Variants in GABPB2 observed in about 807,000 individuals in gnomAD.
GABPB2 encodes the protein GA-binding protein subunit beta-2.
Under a neutral mutation model 39.1 loss-of-function variants are expected in GABPB2, and 23 were observed. That is an observed-to-expected ratio of 0.59 (90% CI 0.42 to 0.83). The LOEUF (loss-of-function observed/expected upper bound fraction) is 0.83. Ranked by LOEUF, GABPB2 falls within the 40% of genes least tolerant of loss-of-function variation. The pLI, the probability that GABPB2 is intolerant of heterozygous loss-of-function variation, is 0.00. For synonymous variants in GABPB2, 184 were observed against 199.3 expected (o/e 0.92, Z 0.65); for missense variants, 467 against 541.1 (o/e 0.86, Z 1.36).
chr1:151,110,391 T>C (rs1680326766), intron 7 of GABPB2, among the ~76,000 whole-genome samples: 1 of 152,066 alleles, frequency 6.6e-6, no homozygotes, highest in Admixed American at 6.6e-5. Context: ...GAGACTCTGC[T>C]TATAATGGAA....
At chr1:151,080,215 CAAAAAA>C (rs57351502) in intron 1 of GABPB2, among the ~76,000 whole-genome samples, 4 of 29,970 alleles carry the variant, frequency 1.3e-4, no homozygotes, top group Admixed American at 1.2e-3. Context: ...AACTCCATCT[CAAAAAA>C]AAAAAAAAAA....
chr1:151,106,165 T>G (rs774870728), intron 6 of GABPB2, among the ~76,000 whole-genome samples: 1 of 151,802 alleles, frequency 6.6e-6, no homozygotes, highest in Non-Finnish European at 1.5e-5. Flanking sequence ...TTTCACCATG[T>G]TGGCCAGGCT....
intron 8 of GABPB2, 62 bp downstream of exon 8, chr1:151,117,578 C>A: frequency 1.3e-6 from 2 of 1,541,054 alleles, no homozygotes; most frequent in Non-Finnish European, 1.8e-6. Context: ...CTGAACCCTT[C>A]TTCATCTTTT....
chr1:151,105,413 AAT>A (rs1219462453), intron 6 of GABPB2, among the ~76,000 whole-genome samples: 1 of 148,614 alleles, frequency 6.7e-6, no homozygotes, highest in East Asian at 1.9e-4. Flanking sequence ...ATGTATATCA[AAT>A]ATATATACAA....
chr1:151,106,448 G>A (rs1327514336), intron 6 of GABPB2, among the ~76,000 whole-genome samples: 1 of 151,716 alleles, frequency 6.6e-6, no homozygotes, highest in Non-Finnish European at 1.5e-5. Context: ...AGCGATTCTC[G>A]TGCCTCAGCC....
At chr1:151,071,953 T>C (rs958773618) in intron 1 of GABPB2, among the ~76,000 whole-genome samples, 1 of 152,206 alleles carries the variant, frequency 6.6e-6, no homozygotes, top group African/African-American at 2.4e-5. Flanking sequence ...GGGCTTTCTC[T>C]CTAGGGGGTC....
chr1:151,090,396 T>C lies in GABPB2; in HGVS notation c.109-10T>C. The C allele has an allele frequency of 6.2e-7, 1 of 1,613,134 alleles. No homozygotes were observed. The highest frequency in any genetic ancestry group is 8.5e-7 in the Non-Finnish European group (1 of 1,179,364). On this transcript the variant is annotated splice_polypyrimidine_tract_variant and intron_variant, in intron 2 of 8. Coordinates refer to ENST00000368918, the MANE Select transcript of GABPB2 (RefSeq NM_144618.3). Reference sequence around the variant, plus strand: ...ACAGTGGATATTCAATGAGCATTATTTTTCCACAGCTTGGAACATCACCCC... The same window carrying C: ...ACAGTGGATATTCAATGAGCATTATCTTTCCACAGCTTGGAACATCACCCC...
chr1:151,083,442 G>A (rs1677889905), intron 1 of GABPB2, among the ~76,000 whole-genome samples: 1 of 152,090 alleles, frequency 6.6e-6, no homozygotes, highest in South Asian at 2.1e-4. Context: ...GGACAGCCTG[G>A]CCAACATGGC....
intron 3 of GABPB2, among the ~76,000 whole-genome samples, chr1:151,091,538 A>T (rs984697684): frequency 7.1e-6 from 1 of 140,640 alleles, no homozygotes; most frequent in Non-Finnish European, 1.5e-5. Context: ...GCGGTGGCAC[A>T]ATCTTGGCTC....
At chr1:151,078,153 C>T (rs141149631) in intron 1 of GABPB2, among the ~76,000 whole-genome samples, 7,236 of 150,974 alleles carry the variant, frequency 0.048, 292 homozygotes, top group African/African-American at 0.1. Flanking sequence ...GCCTGTAGTC[C>T]GAGCTACTCA....
In GABPB2 at chr1:151,124,323, A is replaced by AT. The variant is rs1356094862; in HGVS notation, c.*6072dup. ...ATTACAGGCACGCGCTAATTTTTGT[A>AT]TTTTTAGTACAGACGGGATTTCACC... is the stretch of plus-strand genomic sequence containing the variant. On this transcript the variant is annotated 3_prime_UTR_variant, in exon 9 of 9. Transcript: ENST00000368918. 6.6e-6 allele frequency: 1 copy of AT among 151,302 alleles called. No homozygotes were observed. The highest frequency in any genetic ancestry group is 1.5e-5 in the Non-Finnish European group (1 of 67,912). The allele number at this position is 151,302 out of a possible 1,614,324, so 9.4% of individuals were successfully genotyped here.
intron 4 of GABPB2, 43 bp downstream of exon 4, chr1:151,093,429 G>A: frequency 6.9e-7 from 1 of 1,457,486 alleles, no homozygotes; most frequent in Non-Finnish European, 9.1e-7. Context: ...GTTAATTGAA[G>A]TTAAGGATTT....
intron 1 of GABPB2, among the ~76,000 whole-genome samples, chr1:151,082,702 C>T (rs1381038198): frequency 6.6e-6 from 1 of 151,868 alleles, no homozygotes; most frequent in Non-Finnish European, 1.5e-5. Context: ...AGCCACTGTG[C>T]CAGGCCAACA....
rs1413246039 is a variant in GABPB2, at chr1:151,123,696, C to G, written c.*5440C>G. 6.6e-6 allele frequency: 1 copy of G among 151,058 alleles called. No homozygotes were observed. Among genetic ancestry groups the G allele is most frequent in the East Asian group, 2.0e-4 (1 of 5,106 alleles). 9.4% of individuals were successfully genotyped at this position (151,058 alleles called of 1,614,324 possible). A position where few individuals can be genotyped will look rare whatever the true frequency, so the allele number is the denominator to read the frequency against. ...TGAAACCCTGGCCCTACTAAAAATACAAAAAATTAGCCGGGCGTGGTGGTG... is the reference window on the plus strand; with the variant it reads ...TGAAACCCTGGCCCTACTAAAAATAGAAAAAATTAGCCGGGCGTGGTGGTG... On this transcript the variant is annotated 3_prime_UTR_variant, in exon 9 of 9. Coordinates refer to ENST00000368918, the MANE Select transcript of GABPB2 (RefSeq NM_144618.3).
chr1:151,115,991 T>C (rs920175612), intron 7 of GABPB2, among the ~76,000 whole-genome samples: 1 of 152,046 alleles, frequency 6.6e-6, no homozygotes, highest in Non-Finnish European at 1.5e-5. Context: ...TAGTCCCAGC[T>C]ACTCAGGAGG....
Position 151,093,265 on chromosome 1 carries a change from G to A in GABPB2, c.350G>A (p.Arg117Gln), listed in dbSNP as rs980341178. 13 of 1,612,758 alleles carry A rather than the reference G, an allele frequency of 8.1e-6. No homozygotes were observed. Among genetic ancestry groups the A allele is most frequent in the African/African-American group, 2.7e-5 (2 of 74,862 alleles). ...CATTGGGCCACAGAGCGCCACCATCGAGATGTCGTAGAGTTACTTATCAAA... is the reference window on the plus strand; with the variant it reads ...CATTGGGCCACAGAGCGCCACCATCAAGATGTCGTAGAGTTACTTATCAAA... ...ALHWATERHH[R>Q]DVVELLIKYG... is the part of the protein sequence containing the mutation. The change falls in exon 4 of 9, where the codon CGA becomes CAA. Residue 117 changes from arginine to glutamine, a missense_variant. By Grantham distance (43) the Arg-to-Gln change is conservative. Coordinates refer to ENST00000368918, the MANE Select transcript of GABPB2 (RefSeq NM_144618.3).
At chr1:151,090,307 T>G (rs1157843917) in intron 2 of GABPB2, 99 bp from the exon 3 acceptor site, 1 of 1,165,250 alleles carries the variant, frequency 8.6e-7, no homozygotes, top group Non-Finnish European at 1.2e-6. Context: ...AGATTCTCTC[T>G]TGAAGGACAA....
At chr1:151,096,811 C>T (rs906820990) in intron 4 of GABPB2, among the ~76,000 whole-genome samples, 3 of 152,174 alleles carry the variant, frequency 2.0e-5, no homozygotes, top group Admixed American at 6.6e-5. Flanking sequence ...TATAGATACT[C>T]TGCAGGGATC....
At chr1:151,089,270 T>C (rs1019969077) in intron 2 of GABPB2, among the ~76,000 whole-genome samples, 4 of 152,176 alleles carry the variant, frequency 2.6e-5, no homozygotes, top group African/African-American at 9.7e-5. Flanking sequence ...AGGAAACCCA[T>C]GAAATTAGCA....
Sources: allele counts gnomAD v4.1 joint callset (sites outside exome capture counted in the v4.1 genomes callset), GRCh38; gene constraint gnomAD v4.1.1; transcripts MANE v1.5; gene names NCBI Gene and HGNC (gene_info 2026-07-23, HGNC 2026-07-21).